CSMD1: variants seen among roughly 807,000 people sequenced by gnomAD.
CSMD1 encodes CUB and sushi domain-containing protein 1.
Under a neutral mutation model 417.5 loss-of-function variants are expected in CSMD1, and 213 were observed. That is an observed-to-expected ratio of 0.51 (90% CI 0.46 to 0.57). The LOEUF is 0.57. Ranked by LOEUF, CSMD1 falls within the 20% of genes least tolerant of loss-of-function variation. CSMD1 has a pLI of 0.00. For synonymous variants in CSMD1, 2,862 were observed against 1,736.8 expected (o/e 1.65, Z -16.11); for missense variants, 6,923 against 4,529.7 (o/e 1.53, Z -15.17).
At chr8:3,881,638 A>G (rs1806213408) in intron 5 of CSMD1, among the ~76,000 whole-genome samples, 1 of 151,110 alleles carries the variant, frequency 6.6e-6, no homozygotes, top group Non-Finnish European at 1.5e-5. Context: ...ACAAAAACAA[A>G]CAAACAAACA....
intron 10 of CSMD1, among the ~76,000 whole-genome samples, chr8:3,573,468 CAA>C (rs1800024654): frequency 1.3e-5 from 2 of 152,180 alleles, no homozygotes; most frequent in Non-Finnish European, 2.9e-5. Context: ...TTTGTCACAG[CAA>C]AGAGAGCCCA....
chr8:4,209,624 C>A (rs1281667241), intron 3 of CSMD1, among the ~76,000 whole-genome samples: 3 of 152,142 alleles, frequency 2.0e-5, no homozygotes, highest in Non-Finnish European at 4.4e-5. Flanking sequence ...AGACAAGCCC[C>A]CGAATTGGGG....
At chr8:3,881,394 G>C (rs1389175202) in intron 5 of CSMD1, among the ~76,000 whole-genome samples, 1 of 151,352 alleles carries the variant, frequency 6.6e-6, no homozygotes, top group African/African-American at 2.4e-5. Context: ...CCAGCACTTT[G>C]GGAGGCCGAG....
chr8:3,269,211 CTGTCT>C (rs1288458595), intron 26 of CSMD1, among the ~76,000 whole-genome samples: 3 of 152,218 alleles, frequency 2.0e-5, no homozygotes, highest in Non-Finnish European at 2.9e-5. Context: ...CTGAATGCAG[CTGTCT>C]TTGGGCCTAT....
chr8:3,843,587 G>T (rs1368979760), intron 5 of CSMD1, among the ~76,000 whole-genome samples: 1 of 152,052 alleles, frequency 6.6e-6, no homozygotes, highest in Non-Finnish European at 1.5e-5. Flanking sequence ...GCATCCAGTT[G>T]GAAGTTTAAT....
At chr8:4,951,012 G>A (rs536725464) in intron 1 of CSMD1, among the ~76,000 whole-genome samples, 1 of 151,838 alleles carries the variant, frequency 6.6e-6, no homozygotes, top group South Asian at 2.1e-4. Flanking sequence ...AAAATTAATA[G>A]AGAAGGGACC....
intron 1 of CSMD1, among the ~76,000 whole-genome samples, chr8:4,745,943 T>G (rs1347919049): frequency 3.9e-5 from 6 of 152,188 alleles, no homozygotes. Flanking sequence ...ATTTCCCCAT[T>G]TGGTATCTCA....
chr8:4,208,759 G>T (rs773310384), intron 3 of CSMD1, among the ~76,000 whole-genome samples: 1 of 152,292 alleles, frequency 6.6e-6, no homozygotes, highest in East Asian at 1.9e-4. Flanking sequence ...TATTGTCGTG[G>T]AAATTTTGTA....
chr8:3,001,934 C>G (rs1807438316), intron 52 of CSMD1, among the ~76,000 whole-genome samples: 1 of 151,058 alleles, frequency 6.6e-6, no homozygotes, highest in African/African-American at 2.5e-5. Flanking sequence ...CTGCTTAAAA[C>G]AAAGTTTAGA....
intron 1 of CSMD1, among the ~76,000 whole-genome samples, chr8:4,929,353 A>G (rs977212333): frequency 6.6e-6 from 1 of 151,940 alleles, no homozygotes; most frequent in African/African-American, 2.4e-5. Context: ...ACAGTTTGTT[A>G]TGGCAGCCCC....
chr8:4,560,178 T>C (rs1029016555), intron 2 of CSMD1, among the ~76,000 whole-genome samples: 5 of 152,198 alleles, frequency 3.3e-5, no homozygotes, highest in African/African-American at 9.6e-5. Context: ...CACCGCACTT[T>C]CTCAGTTCCA....
chr8:3,276,398 C>G (rs759341105), intron 26 of CSMD1, among the ~76,000 whole-genome samples: 2 of 152,216 alleles, frequency 1.3e-5, no homozygotes, highest in Non-Finnish European at 2.9e-5. Flanking sequence ...GGAGCTGTTC[C>G]TATTCGTTCA....
intron 3 of CSMD1, among the ~76,000 whole-genome samples, chr8:4,344,617 C>A (rs559263504): frequency 6.6e-6 from 1 of 151,492 alleles, no homozygotes; most frequent in Non-Finnish European, 1.5e-5. Flanking sequence ...GTTACACTAC[C>A]GCTATGCTCA....
chr8:4,340,773 A>T (rs1215767007), intron 3 of CSMD1, among the ~76,000 whole-genome samples: 1 of 152,038 alleles, frequency 6.6e-6, no homozygotes, highest in East Asian at 1.9e-4. Context: ...TGTCAAGCAA[A>T]CTCATAATGG....
intron 3 of CSMD1, among the ~76,000 whole-genome samples, chr8:4,130,996 G>C (rs922688013): frequency 1.3e-5 from 2 of 152,058 alleles, no homozygotes; most frequent in East Asian, 3.9e-4. Flanking sequence ...GTCTCTCCCT[G>C]CTGTTGGAAT....
intron 5 of CSMD1, among the ~76,000 whole-genome samples, chr8:3,849,519 C>G (rs111650990): frequency 3.3e-5 from 5 of 152,250 alleles, no homozygotes; most frequent in African/African-American, 1.2e-4. Flanking sequence ...AGTAGCTCGA[C>G]GGTTAGAATG....
chr8:3,999,941 T>G (rs923108242), intron 4 of CSMD1, among the ~76,000 whole-genome samples: 1 of 152,210 alleles, frequency 6.6e-6, no homozygotes, highest in Non-Finnish European at 1.5e-5. Context: ...TATTTTAAGA[T>G]TAATAATTAT....
chr8:4,668,026 A>G (rs544907825), intron 1 of CSMD1, among the ~76,000 whole-genome samples: 17 of 152,342 alleles, frequency 1.1e-4, no homozygotes, highest in African/African-American at 4.1e-4. Flanking sequence ...GCGATTCTAC[A>G]TGAAATACCT....
chr8:3,703,376 G>A (rs370323974), intron 7 of CSMD1, among the ~76,000 whole-genome samples: 18 of 150,368 alleles, frequency 1.2e-4, no homozygotes, highest in Non-Finnish European at 2.5e-4. Context: ...CAGATTAGGA[G>A]GCATAAATGA....
Sources: gnomAD v4.1 joint callset for allele counts (sites outside exome capture counted in the v4.1 genomes callset) on GRCh38, gnomAD v4.1.1 for gene constraint, MANE v1.5 for transcripts, NCBI Gene and HGNC (gene_info 2026-07-23, HGNC 2026-07-21) for gene names.